Variants in PRKCE observed in about 807,000 individuals in gnomAD.
PRKCE encodes protein kinase C epsilon type.
A neutral mutation model predicts 85.4 loss-of-function variants in PRKCE; 16 were observed. That is an observed-to-expected ratio of 0.19 (90% CI 0.13 to 0.28). The LOEUF (loss-of-function observed/expected upper bound fraction) is 0.28, where lower values mean the gene tolerates loss of function less well. Among genes scored for constraint, PRKCE ranks in the 10% least tolerant of loss-of-function variants. PRKCE has a pLI of 1.00. For missense variants in PRKCE, 573 were observed against 975.2 expected (o/e 0.59, Z 5.49); for synonymous variants, 388 against 371.5 (o/e 1.04, Z -0.51).
chr2:46,035,538 G>A (rs1475515011), intron 10 of PRKCE, among the ~76,000 whole-genome samples: 5 of 152,202 alleles, frequency 3.3e-5, no homozygotes, highest in African/African-American at 1.2e-4. Context: ...CAGACTTAGG[G>A]AAGGAGTGTG....
chr2:46,163,068 A>G (rs567919616), intron 14 of PRKCE, among the ~76,000 whole-genome samples: 1 of 152,364 alleles, frequency 6.6e-6, no homozygotes. Flanking sequence ...TTCATACGCC[A>G]TCGCGCCCCT....
At chr2:45,824,072 G>A (rs1689747691) in intron 1 of PRKCE, among the ~76,000 whole-genome samples, 1 of 152,228 alleles carries the variant, frequency 6.6e-6, no homozygotes, top group East Asian at 1.9e-4. Context: ...AGTGCTGACT[G>A]CACTCCCAGC....
intron 2 of PRKCE, among the ~76,000 whole-genome samples, chr2:45,890,022 G>A (rs1695601520): frequency 6.6e-6 from 1 of 152,164 alleles, no homozygotes; most frequent in African/African-American, 2.4e-5. Context: ...CTGAATCCCA[G>A]CTTTTTCTAA....
intron 10 of PRKCE, among the ~76,000 whole-genome samples, chr2:46,046,146 G>T (rs536023692): frequency 1.3e-5 from 2 of 152,330 alleles, no homozygotes; most frequent in South Asian, 4.1e-4. Context: ...GGATGGCTGG[G>T]ATTCATTTCT....
intron 12 of PRKCE, among the ~76,000 whole-genome samples, chr2:46,147,305 C>T (rs556027760): frequency 6.6e-6 from 1 of 152,294 alleles, no homozygotes; most frequent in Non-Finnish European, 1.5e-5. Context: ...ATACTTAGTT[C>T]CAGTTCCTCT....
chr2:45,817,693 C>T (rs149678987), intron 1 of PRKCE, among the ~76,000 whole-genome samples: 4,899 of 151,282 alleles, frequency 0.032, 128 homozygotes, highest in East Asian at 0.11. Flanking sequence ...GACTCTGTCT[C>T]AAAAAACAAA....
At chr2:46,107,221 C>G (rs1253680454) in intron 11 of PRKCE, among the ~76,000 whole-genome samples, 1 of 152,202 alleles carries the variant, frequency 6.6e-6, no homozygotes, top group Non-Finnish European at 1.5e-5. Context: ...TTTGCCTTTG[C>G]AGAATGCCAT....
rs34264556 is a variant in PRKCE at position 45,935,067 on chromosome 2, T to TCTCTCACACACACA, written c.413-41361_413-41360insTCTCACACACACAC. Among the ~76,000 whole-genome samples the TCTCTCACACACACA allele has an allele frequency of 1.3e-3, 192 of 146,348 alleles. 1 individual carries two copies. Among genetic ancestry groups the TCTCTCACACACACA allele is most frequent in the African/African-American group, 4.7e-3 (183 of 39,198 alleles). ...CAAAGCGAGACACTCACTCTCTCTC[T>TCTCTCACACACACA]CACACACACACACACACACACACAC... On this transcript the variant is annotated intron_variant, in intron 2 of 14. Transcript: ENST00000306156.
chr2:45,737,700 G>A (rs112029360), intron 1 of PRKCE, among the ~76,000 whole-genome samples: 3,172 of 152,120 alleles, frequency 0.021, 115 homozygotes, highest in African/African-American at 0.073. Context: ...CATGCTCTCT[G>A]CATGTCCCCT....
At chr2:45,677,340 TTTG>T (rs1005780611) in intron 1 of PRKCE, among the ~76,000 whole-genome samples, 1 of 145,300 alleles carries the variant, frequency 6.9e-6, no homozygotes, top group Non-Finnish European at 1.5e-5. Flanking sequence ...TGTTTTTTTT[TTTG>T]TTGTTGTTGT....
chr2:45,828,050 C>G (rs1281328560), intron 1 of PRKCE, among the ~76,000 whole-genome samples: 1 of 152,110 alleles, frequency 6.6e-6, no homozygotes, highest in Admixed American at 6.5e-5. Context: ...ATGATAGGCA[C>G]TGTATGGTCA....
intron 2 of PRKCE, among the ~76,000 whole-genome samples, chr2:45,896,426 C>A (rs1183677260): frequency 1.3e-5 from 2 of 152,190 alleles, no homozygotes; most frequent in Non-Finnish European, 2.9e-5. Context: ...CATTCTGTCT[C>A]CTTGGAAATA....
At chr2:46,056,987 A>G (rs533724969) in intron 10 of PRKCE, among the ~76,000 whole-genome samples, 1 of 152,152 alleles carries the variant, frequency 6.6e-6, no homozygotes, top group African/African-American at 2.4e-5. Context: ...GTGGCTACAG[A>G]GGGTTTGAAC....
chr2:46,000,655 A>G (rs1704603238), intron 6 of PRKCE, among the ~76,000 whole-genome samples: 1 of 151,558 alleles, frequency 6.6e-6, no homozygotes, highest in African/African-American at 2.4e-5. Context: ...GAAGAGCACG[A>G]CTCTCAACTG....
intron 10 of PRKCE, among the ~76,000 whole-genome samples, chr2:46,028,525 G>T (rs1707291605): frequency 6.6e-6 from 1 of 152,110 alleles, no homozygotes; most frequent in South Asian, 2.1e-4. Context: ...ATTCTATAGG[G>T]GACATAGCAC....
intron 11 of PRKCE, among the ~76,000 whole-genome samples, chr2:46,087,724 C>A (rs1669777421): frequency 6.6e-6 from 1 of 152,250 alleles, no homozygotes; most frequent in Non-Finnish European, 1.5e-5. Context: ...CCAGGCATGA[C>A]TTACCTACAT....
At chr2:45,712,645 CTG>C (rs1679763360) in intron 1 of PRKCE, among the ~76,000 whole-genome samples, 1 of 152,334 alleles carries the variant, frequency 6.6e-6, no homozygotes, top group Non-Finnish European at 1.5e-5. Flanking sequence ...TGCTACACCT[CTG>C]GGGCCTGGAC....
intron 10 of PRKCE, among the ~76,000 whole-genome samples, chr2:46,030,914 A>T (rs1022372501): frequency 1.3e-5 from 2 of 152,016 alleles, no homozygotes; most frequent in African/African-American, 4.8e-5. Flanking sequence ...TCCTTTTATG[A>T]TTGGTGGGAC....
At chr2:45,713,524 G>A (rs1045996885) in intron 1 of PRKCE, among the ~76,000 whole-genome samples, 9 of 151,710 alleles carry the variant, frequency 5.9e-5, no homozygotes, top group Admixed American at 4.6e-4. Flanking sequence ...ATGAACATCC[G>A]GACCAACAAA....
Sources: gnomAD v4.1 joint callset for allele counts (sites outside exome capture counted in the v4.1 genomes callset) on GRCh38, gnomAD v4.1.1 for gene constraint, MANE v1.5 for transcripts, NCBI Gene and HGNC (gene_info 2026-07-23, HGNC 2026-07-21) for gene names.